Variants in VPS13B observed in about 807,000 individuals in gnomAD.
The protein encoded by VPS13B is vacuolar protein sorting 13 homolog B, also known as intermembrane lipid transfer protein VPS13B.
VPS13B carries 285 observed loss-of-function variants against 426.4 expected under a neutral mutation model. That is an observed-to-expected ratio of 0.67 (90% CI 0.61 to 0.74). The LOEUF (loss-of-function observed/expected upper bound fraction) is 0.74, where lower values mean the gene tolerates loss of function less well. VPS13B is among the 30% of genes least tolerant of loss of function. VPS13B has a pLI of 0.00. For synonymous variants in VPS13B, 1,676 were observed against 1,676.4 expected, an observed-to-expected ratio of 1.00 and a Z score of 0.01; for missense variants, 4,537 against 4,782.6, an observed-to-expected ratio of 0.95 and a Z score of 1.51.
intron 3 of VPS13B, among the ~76,000 whole-genome samples, chr8:99,061,296 C>CTTTTTTTTTTTTTTTTTTTTTT (rs36037937): frequency 8.9e-6 from 1 of 112,942 alleles, no homozygotes; most frequent in Non-Finnish European, 1.8e-5. Flanking sequence ...TGCTAATTTT[C>CTTTTTTTTTTTTTTTTTTTTTT]TTTTTTTTTT....
chr8:99,723,374 T>C (rs1052998695), intron 39 of VPS13B, among the ~76,000 whole-genome samples: 1 of 152,202 alleles, frequency 6.6e-6, no homozygotes, highest in African/African-American at 2.4e-5. Flanking sequence ...TCCAAAACTT[T>C]CTGAGTGTTA....
In VPS13B at chr8:99,666,427, G is replaced by A. The variant is rs565256910; in HGVS notation, c.6046+4936G>A. ...ATCCTCAATAAAATACTGGCAAACC[G>A]AATCCAGCAGCACATCAAAAAGCTT... is the stretch of plus-strand genomic sequence containing the variant. On this transcript the variant is annotated intron_variant, in intron 35 of 61. Coordinates refer to ENST00000357162, the MANE Select transcript of VPS13B (RefSeq NM_152564.5). Among the ~76,000 whole-genome samples the A allele has an allele frequency of 1.7e-4, 26 of 152,158 alleles. No homozygotes were observed. The East Asian group carries it at 4.0e-3, about 24-fold the overall frequency.
At chr8:99,557,194 A>G (rs543960795) in intron 31 of VPS13B, among the ~76,000 whole-genome samples, 2 of 151,984 alleles carry the variant, frequency 1.3e-5, no homozygotes, top group African/African-American at 2.4e-5. Flanking sequence ...GGTTACATGT[A>G]TAAGTTATTT....
chr8:99,655,156 A>G (rs1829977329), intron 34 of VPS13B, among the ~76,000 whole-genome samples: 5 of 152,230 alleles, frequency 3.3e-5, no homozygotes, highest in Admixed American at 2.6e-4. Flanking sequence ...CTAGTTTAGA[A>G]AATGGAAAGC....
chr8:99,350,699 A>C (rs1252787234), intron 19 of VPS13B, among the ~76,000 whole-genome samples: 1 of 152,164 alleles, frequency 6.6e-6, no homozygotes, highest in Non-Finnish European at 1.5e-5. Flanking sequence ...AACTAAAATA[A>C]ATCACTTGGA....
chr8:99,778,911 A>G lies in VPS13B; in HGVS notation c.7659A>G (p.Ala2553=), dbSNP rs776995646. The G allele has an allele frequency of 6.2e-7, 1 of 1,614,024 alleles. No individual in the cohort carries two copies. Among genetic ancestry groups the G allele is most frequent in the Admixed American group, 1.7e-5 (1 of 59,998 alleles). The change falls in exon 42 of 62, where the codon GCA becomes GCG. Residue 2553 remains alanine, a synonymous_variant. Transcript: ENST00000357162. ...CCTTCAGCATCTTCGGGCAGATGGC[A>G]GTTTCCAGCGATGTAGTGGAAAAGC... ...VKPFSIFGQM[A]VSSDVVEKLL...
chr8:99,096,555 A>T lies in VPS13B; in HGVS notation c.412+123A>T. On this transcript the variant is annotated intron_variant, in intron 4 of 61. Coordinates refer to ENST00000357162, the MANE Select transcript of VPS13B (RefSeq NM_152564.5). ...TGGATTACTTGAGGTCAGGAGTTTG[A>T]GACCAGCCTGGCCAACATGGTGAAG... 3.6e-6 allele frequency: 5 copies of T among 1,369,978 alleles called. No individual in the cohort carries two copies. In the South Asian group the frequency reaches 6.2e-5, roughly 17 times the overall value. The allele number at this position is 1,369,978 out of a possible 1,614,324, so 84.9% of individuals were successfully genotyped here.
intron 17 of VPS13B, among the ~76,000 whole-genome samples, chr8:99,199,808 C>T (rs1162727198): frequency 6.6e-6 from 1 of 152,016 alleles, no homozygotes; most frequent in Non-Finnish European, 1.5e-5. Flanking sequence ...CAGGTATTCT[C>T]CCCTCTTCCA....
At chr8:99,023,236 C>G (rs996584942) in intron 2 of VPS13B, among the ~76,000 whole-genome samples, 3 of 151,862 alleles carry the variant, frequency 2.0e-5, no homozygotes, top group African/African-American at 7.3e-5. Flanking sequence ...TAAACATCTT[C>G]CTAGTCCCCA....
chr8:99,242,329 T>A (rs892690439), intron 17 of VPS13B, among the ~76,000 whole-genome samples: 2 of 152,222 alleles, frequency 1.3e-5, no homozygotes, highest in Non-Finnish European at 2.9e-5. Context: ...TTCAGTTGAA[T>A]CATTTTCAAA....
intron 39 of VPS13B, among the ~76,000 whole-genome samples, chr8:99,730,720 C>CAGGTACCTCCTGAAAGGTACCTGT (rs1833561563): frequency 6.6e-6 from 1 of 150,740 alleles, no homozygotes; most frequent in African/African-American, 2.4e-5. Flanking sequence ...CCTGTAGGTA[C>CAGGTACCTCCTGAAAGGTACCTGT]AGGTACAGGT....
At chr8:99,795,583 C>T (rs1812763280) in intron 43 of VPS13B, among the ~76,000 whole-genome samples, 1 of 152,194 alleles carries the variant, frequency 6.6e-6, no homozygotes, top group African/African-American at 2.4e-5. Context: ...CACTTATTAT[C>T]CCACAGTCTT....
At chr8:99,044,023 C>T (rs1249882309) in intron 3 of VPS13B, among the ~76,000 whole-genome samples, 3 of 150,946 alleles carry the variant, frequency 2.0e-5, no homozygotes, top group Non-Finnish European at 4.4e-5. Flanking sequence ...ACCATGTTTC[C>T]CTCTCTAGCT....
rs58708195 is a variant in VPS13B at position 99,303,730 on chromosome 8, CAAAAAAAA to C, written c.2824+28490_2824+28497del. On this transcript the variant is annotated intron_variant, in intron 19 of 61. Coordinates refer to ENST00000357162, the MANE Select transcript of VPS13B (RefSeq NM_152564.5). ...GGTGAGACAGAGTGAGACTCCGTCT[CAAAAAAAA>C]AAAAAAAAAAAAAGAATATATGTTT... Among the ~76,000 whole-genome samples the C allele has an allele frequency of 2.9e-3, 186 of 63,722 alleles. 3 individuals carry two copies. The highest frequency in any genetic ancestry group is 0.013 in the African/African-American group (183 of 14,146). 41.8% of individuals were successfully genotyped at this position (63,722 alleles called of 152,430 possible). A position where few individuals can be genotyped will look rare whatever the true frequency, so the allele number is the denominator to read the frequency against.
At chr8:99,073,409 T>A (rs1587998413) in intron 3 of VPS13B, among the ~76,000 whole-genome samples, 1 of 152,082 alleles carries the variant, frequency 6.6e-6, no homozygotes, top group East Asian at 1.9e-4. Context: ...CTTTAATGAG[T>A]GTTTCGTAGT....
In VPS13B at chr8:99,028,647, G is replaced by A. The variant is rs560061857; in HGVS notation, c.148-9776G>A. ...GACCCCCCCCACCTCCCTCCCGGAC[G>A]GGGTGGCTGGCCAGGTGGGGGGCTG... On this transcript the variant is annotated intron_variant, in intron 2 of 61. Coordinates refer to ENST00000357162, the MANE Select transcript of VPS13B (RefSeq NM_152564.5). Among the ~76,000 whole-genome samples the A allele has an allele frequency of 2.5e-4, 33 of 131,964 alleles. 3 individuals are homozygous for A. The highest frequency in any genetic ancestry group is 4.0e-4 in the Non-Finnish European group (24 of 59,900). The allele number at this position is 131,964 out of a possible 152,430, so 86.6% of individuals were successfully genotyped here. A position where few individuals can be genotyped will look rare whatever the true frequency, so the allele number is the denominator to read the frequency against.
At chr8:99,040,051 G>T (rs1018408758) in intron 3 of VPS13B, among the ~76,000 whole-genome samples, 5 of 151,188 alleles carry the variant, frequency 3.3e-5, no homozygotes, top group Non-Finnish European at 7.4e-5. Context: ...TCAAAGTCTG[G>T]ACTTGGTTAT....
intron 20 of VPS13B, among the ~76,000 whole-genome samples, chr8:99,390,487 A>G (rs924122465): frequency 6.6e-6 from 1 of 152,116 alleles, no homozygotes; most frequent in African/African-American, 2.4e-5. Context: ...AACATGATTG[A>G]TTTTATTACA....
chr8:99,173,962 G>A (rs1412320526), intron 16 of VPS13B, among the ~76,000 whole-genome samples: 1 of 152,130 alleles, frequency 6.6e-6, no homozygotes, highest in Non-Finnish European at 1.5e-5. Context: ...GTAAAATTCA[G>A]TAGCATTAAG....
Sources: allele counts gnomAD v4.1 joint callset (sites outside exome capture counted in the v4.1 genomes callset), GRCh38; gene constraint gnomAD v4.1.1; transcripts MANE v1.5; gene names NCBI Gene and HGNC (gene_info 2026-07-23, HGNC 2026-07-21).